The following DAB1 variants were observed in gnomAD, a reference collection of about 807,000 sequenced individuals.
DAB1 encodes the protein disabled homolog 1.
A neutral mutation model predicts 64.6 loss-of-function variants in DAB1; 15 were observed. The ratio of observed to expected loss-of-function variants is 0.23; its 90% confidence interval spans 0.16 to 0.36. The LOEUF (loss-of-function observed/expected upper bound fraction) is 0.36. DAB1 is among the 10% of genes least tolerant of loss of function. The pLI is 1.00. For missense variants in DAB1, 596 were observed against 706.7 expected (o/e 0.84, Z 1.78); for synonymous variants, 235 against 251.9 (o/e 0.93, Z 0.64).
chr1:57,885,990 T>C (rs1054178014), upstream of DAB1, among the ~76,000 whole-genome samples: 6 of 152,200 alleles, frequency 3.9e-5, no homozygotes, highest in Non-Finnish European at 8.8e-5. Context: ...TTTAAAGACC[T>C]CTGCTTTAAT....
At chr1:57,645,737 A>G (rs1246295701) in intron 7 of DAB1, among the ~76,000 whole-genome samples, 1 of 152,160 alleles carries the variant, frequency 6.6e-6, no homozygotes, top group African/African-American at 2.4e-5. Flanking sequence ...GATTTGCTCA[A>G]TGTCAGACAG....
At chr1:57,732,183 G>A (rs1475240) in intron 6 of DAB1, among the ~76,000 whole-genome samples, 28,962 of 151,926 alleles carry the variant, frequency 0.19, 3,714 homozygotes, top group African/African-American at 0.35. Context: ...TATTGTGGGG[G>A]TATCATGCAG....
chr1:57,864,167 C>A (rs1430510134), intron 1 of DAB1, among the ~76,000 whole-genome samples: 1 of 152,130 alleles, frequency 6.6e-6, no homozygotes, highest in Non-Finnish European at 1.5e-5. Context: ...GAGTAGGAAC[C>A]TGAGTGAACC....
At chr1:57,878,779 T>C (rs1385781377) in intron 1 of DAB1, 1 of 152,176 alleles carries the variant, frequency 6.6e-6, no homozygotes, top group Non-Finnish European at 1.5e-5. Context: ...TTTTTTCTCC[T>C]ATCTAGCTGT....
chr1:57,195,321 A>T (rs1380464483), intron 2 of DAB1, among the ~76,000 whole-genome samples: 3 of 152,232 alleles, frequency 2.0e-5, no homozygotes, highest in Non-Finnish European at 2.9e-5. Context: ...TCTGTTCAAT[A>T]CTAAAGAGGA....
In DAB1 at chr1:57,971,681, G is replaced by A. The variant is rs144527497; in HGVS notation, n.388-87519C>T. ...TTATACATAGCTGAATTCTGTCAAAGGCATATAGTTATTTTGTATCCGGGA... is the reference window on the plus strand; with the variant it reads ...TTATACATAGCTGAATTCTGTCAAAAGCATATAGTTATTTTGTATCCGGGA... On this transcript the variant is annotated intron_variant and non_coding_transcript_variant, in intron 5 of 20. Transcript: ENST00000485760. Among the ~76,000 whole-genome samples, 289 of 152,290 alleles carry A rather than the reference G, an allele frequency of 1.9e-3. 1 individual carries two copies. The highest frequency in any genetic ancestry group is 6.6e-3 in the African/African-American group (275 of 41,562).
intron 5 of DAB1, among the ~76,000 whole-genome samples, chr1:57,939,039 A>C (rs1295350453): frequency 5.3e-5 from 8 of 152,162 alleles, no homozygotes; most frequent in Admixed American, 3.9e-4. Flanking sequence ...CACCGTAGAC[A>C]GGGTAGCTTT....
At chr1:57,583,290 CTTTTTTTTTTTTTTTT>C (rs1261941711) in intron 7 of DAB1, among the ~76,000 whole-genome samples, 2 of 136,372 alleles carry the variant, frequency 1.5e-5, no homozygotes, top group Non-Finnish European at 3.1e-5. Flanking sequence ...TTTTTCTTTT[CTTTTTTTTTTTTTTTT>C]GATGGAATCT....
At chr1:57,486,452 T>C (rs1644092994) in intron 7 of DAB1, among the ~76,000 whole-genome samples, 2 of 152,194 alleles carry the variant, frequency 1.3e-5, no homozygotes, top group Non-Finnish European at 2.9e-5. Flanking sequence ...GTCTGGTCTA[T>C]GACAAGCAGC....
At chr1:58,476,537 T>G (rs1645420892) in intron 3 of DAB1, among the ~76,000 whole-genome samples, 2 of 152,176 alleles carry the variant, frequency 1.3e-5, no homozygotes, top group Non-Finnish European at 2.9e-5. Context: ...CTAACTTTTC[T>G]GATGGAAGTT....
chr1:58,506,033 G>A (rs777584942), intron 3 of DAB1: 18 of 828,286 alleles, frequency 2.2e-5, no homozygotes, highest in Non-Finnish European at 3.4e-5. Context: ...TAAAAATAAT[G>A]TCCCGCCTTC....
chr1:57,317,446 C>G (rs1268780032), intron 1 of DAB1, among the ~76,000 whole-genome samples: 1 of 151,328 alleles, frequency 6.6e-6, no homozygotes, highest in Non-Finnish European at 1.5e-5. Flanking sequence ...TCTTAAAACA[C>G]AATTTTTTTT....
At chr1:58,382,067 C>T (rs1247379265) in intron 3 of DAB1, among the ~76,000 whole-genome samples, 1 of 152,178 alleles carries the variant, frequency 6.6e-6, no homozygotes, top group Non-Finnish European at 1.5e-5. Flanking sequence ...AGAAACCCAA[C>T]TAAGAGAGTG....
At chr1:58,538,661 G>A in intron 1 of DAB1, 1 of 503,290 alleles carries the variant, frequency 2.0e-6, no homozygotes, top group Non-Finnish European at 3.5e-6. Context: ...GGGGGAGACA[G>A]GGGATCTGGC....
intron 1 of DAB1, among the ~76,000 whole-genome samples, chr1:57,339,265 C>T (rs544248697): frequency 6.6e-6 from 1 of 151,928 alleles, no homozygotes; most frequent in African/African-American, 2.4e-5. Flanking sequence ...ATGCCATTCT[C>T]CTGCCTCGGC....
intron 4 of DAB1, among the ~76,000 whole-genome samples, chr1:58,257,911 A>ATTTGAT (rs1482335966): frequency 6.6e-6 from 1 of 152,216 alleles, no homozygotes; most frequent in African/African-American, 2.4e-5. Flanking sequence ...GGCCCCTTAC[A>ATTTGAT]CTTGATCTTG....
At chr1:57,935,933 GT>G (rs1645018576) in intron 5 of DAB1, among the ~76,000 whole-genome samples, 1 of 152,188 alleles carries the variant, frequency 6.6e-6, no homozygotes, top group African/African-American at 2.4e-5. Flanking sequence ...AAAGAAAAAT[GT>G]AAAAAGAAAA....
At chr1:58,358,919 C>G (rs1055586004) in intron 3 of DAB1, among the ~76,000 whole-genome samples, 1 of 99,282 alleles carries the variant, frequency 1.0e-5, no homozygotes, top group African/African-American at 4.2e-5. Context: ...CTCTCCCCCC[C>G]TTCCTTTCTT....
intron 5 of DAB1, among the ~76,000 whole-genome samples, chr1:57,943,120 C>T (rs1460619530): frequency 6.6e-6 from 1 of 152,112 alleles, no homozygotes; most frequent in Non-Finnish European, 1.5e-5. Context: ...ATAAAAGGCT[C>T]ATTAGGGACC....
Sources: allele counts gnomAD v4.1 joint callset (sites outside exome capture counted in the v4.1 genomes callset), GRCh38; gene constraint gnomAD v4.1.1; transcripts MANE v1.5; gene names NCBI Gene and HGNC (gene_info 2026-07-23, HGNC 2026-07-21).